The following DEUP1 variants were observed in gnomAD, a reference collection of about 807,000 sequenced individuals.
The protein encoded by DEUP1 is coiled-coil domain containing 67.
A neutral mutation model predicts 87.4 loss-of-function variants in DEUP1; 82 were observed. That is an observed-to-expected ratio of 0.94 (90% CI 0.78 to 1.13). The LOEUF (loss-of-function observed/expected upper bound fraction) is 1.13, where lower values mean the gene tolerates loss of function less well. DEUP1 is among the 50% of genes most tolerant of loss of function. The pLI is 0.00. For missense variants in DEUP1, 663 were observed against 681.5 expected (o/e 0.97, Z 0.30); for synonymous variants, 214 against 222.7 (o/e 0.96, Z 0.35).
chr11:93,380,566 A>AT (rs887726735), intron 7 of DEUP1, among the ~76,000 whole-genome samples: 66 of 147,220 alleles, frequency 4.5e-4, no homozygotes, highest in Non-Finnish European at 4.8e-4. Context: ...ATGCTCGGCT[A>AT]TTTTTTTTTT....
chr11:93,394,037 A>G (rs1946859184), intron 9 of DEUP1, among the ~76,000 whole-genome samples: 2 of 152,246 alleles, frequency 1.3e-5, no homozygotes, highest in South Asian at 4.1e-4. Flanking sequence ...TAGTTTTAAA[A>G]AAGCACTGAA....
chr11:93,413,459 G>T (rs1371253540), intron 12 of DEUP1, among the ~76,000 whole-genome samples: 2 of 152,114 alleles, frequency 1.3e-5, no homozygotes, highest in Non-Finnish European at 2.9e-5. Context: ...AGCCGAGATG[G>T]TCTCGATCTC....
chr11:93,385,943 C>A (rs976649142), intron 8 of DEUP1, among the ~76,000 whole-genome samples: 1 of 151,752 alleles, frequency 6.6e-6, no homozygotes, highest in Admixed American at 6.6e-5. Flanking sequence ...GTCCCATCTA[C>A]TTGGGAGGCT....
At chr11:93,431,598 T>G (rs1565356023) in intron 13 of DEUP1, among the ~76,000 whole-genome samples, 1 of 152,218 alleles carries the variant, frequency 6.6e-6, no homozygotes, top group Admixed American at 6.5e-5. Context: ...TTTAAAATTT[T>G]TAAAAGATCC....
chr11:93,350,936 A>T (rs1306265782), intron 2 of DEUP1, among the ~76,000 whole-genome samples: 1 of 151,310 alleles, frequency 6.6e-6, no homozygotes, highest in Non-Finnish European at 1.5e-5. Context: ...AGCCTGGGCA[A>T]CAGAGCGAGA....
At chr11:93,395,659 C>A (rs976299337) in intron 10 of DEUP1, among the ~76,000 whole-genome samples, 1 of 151,988 alleles carries the variant, frequency 6.6e-6, no homozygotes, top group African/African-American at 2.4e-5. Context: ...AAAATTAAAT[C>A]TTTTTAAGGC....
At chr11:93,380,103 G>A (rs779723155) in intron 7 of DEUP1, among the ~76,000 whole-genome samples, 2 of 152,162 alleles carry the variant, frequency 1.3e-5, no homozygotes, top group Non-Finnish European at 2.9e-5. Flanking sequence ...CCAGCATCTA[G>A]TGGGTAGAGG....
At chr11:93,346,235 C>T (rs1319786898) in intron 2 of DEUP1, among the ~76,000 whole-genome samples, 3 of 152,110 alleles carry the variant, frequency 2.0e-5, no homozygotes, top group South Asian at 2.1e-4. Context: ...TGTACCCATA[C>T]CATGCTGTTT....
chr11:93,428,262 G>T (rs1947993088), intron 13 of DEUP1, among the ~76,000 whole-genome samples: 2 of 152,068 alleles, frequency 1.3e-5, no homozygotes, highest in African/African-American at 4.8e-5. Flanking sequence ...ATACTATGCA[G>T]CCATAAAAAA....
intron 5 of DEUP1, among the ~76,000 whole-genome samples, chr11:93,365,174 CCTT>C (rs1410285287): frequency 1.3e-5 from 2 of 152,018 alleles, no homozygotes; most frequent in Non-Finnish European, 2.9e-5. Context: ...ATTAAAAAGT[CCTT>C]CTACTTTAAA....
intron 13 of DEUP1, among the ~76,000 whole-genome samples, chr11:93,427,030 A>AAAAAAAAAAAC (rs1947940904): frequency 2.5e-5 from 1 of 40,422 alleles, no homozygotes; most frequent in Non-Finnish European, 4.7e-5. Context: ...AAAAAAAAAA[A>AAAAAAAAAAAC]AGAAAATGGC....
intron 3 of DEUP1, among the ~76,000 whole-genome samples, chr11:93,356,071 TAGA>T (rs35819794): frequency 0.12 from 17,682 of 152,218 alleles, 1,384 homozygotes; most frequent in East Asian, 0.23. Context: ...CTGGTGGTCA[TAGA>T]AGAATATATG....
At chr11:93,376,575 T>G (rs1946052497) in intron 7 of DEUP1, among the ~76,000 whole-genome samples, 1 of 152,196 alleles carries the variant, frequency 6.6e-6, no homozygotes, top group Non-Finnish European at 1.5e-5. Flanking sequence ...GAGCCATCTT[T>G]TTGTTTCATT....
rs558004653 is a variant in DEUP1, at chr11:93,438,292, T to C, written c.*573T>C. 30 of 152,282 alleles carry C rather than the reference T, an allele frequency of 2.0e-4. 1 individual carries two copies. The highest frequency in any genetic ancestry group is 6.7e-4 in the African/African-American group (28 of 41,544). The allele number at this position is 152,282 out of a possible 1,614,324, so 9.4% of individuals were successfully genotyped here. On this transcript the variant is annotated 3_prime_UTR_variant, in exon 14 of 14. Transcript: ENST00000298050. ...TCTGTCTGTTTCAACACAATGAAGG[T>C]ATATGGAATGTGCAATTTACAAACC...
At chr11:93,363,287 C>T (rs1186747721) in intron 4 of DEUP1, among the ~76,000 whole-genome samples, 1 of 151,766 alleles carries the variant, frequency 6.6e-6, no homozygotes, top group Non-Finnish European at 1.5e-5. Context: ...ACAGAATAGT[C>T]TATATCTAGA....
At chr11:93,333,553 G>A (rs1943594111) in intron 2 of DEUP1, among the ~76,000 whole-genome samples, 2 of 152,198 alleles carry the variant, frequency 1.3e-5, no homozygotes, top group Non-Finnish European at 2.9e-5. Flanking sequence ...GAAAGGCTGG[G>A]GAATATGGTC....
At chr11:93,413,909 C>T (rs1422187919) in intron 12 of DEUP1, among the ~76,000 whole-genome samples, 2 of 152,122 alleles carry the variant, frequency 1.3e-5, no homozygotes, top group East Asian at 3.9e-4. Context: ...ACTTTTAAAT[C>T]TTAGTCTCCT....
chr11:93,394,701 C>T (rs1946881874), intron 10 of DEUP1, 45 bp downstream of exon 10: 1 of 1,363,388 alleles, frequency 7.3e-7, no homozygotes, highest in African/African-American at 1.5e-5. Context: ...CACATTCTTG[C>T]TCAGTGCCAA....
At chr11:93,430,347 T>G (rs533603377) in intron 13 of DEUP1, among the ~76,000 whole-genome samples, 25 of 152,186 alleles carry the variant, frequency 1.6e-4, no homozygotes, top group Admixed American at 8.5e-4. Flanking sequence ...CATCAATGGA[T>G]GAATGGATAA....
Sources: allele counts gnomAD v4.1 joint callset (sites outside exome capture counted in the v4.1 genomes callset), GRCh38; gene constraint gnomAD v4.1.1; transcripts MANE v1.5; gene names NCBI Gene and HGNC (gene_info 2026-07-23, HGNC 2026-07-21).